EPHB2: variants seen among roughly 807,000 people sequenced by gnomAD.
EPHB2 encodes EPH receptor B2, also known as ephrin type-B receptor 2.
In EPHB2, 18 loss-of-function variants were observed where a neutral mutation model predicts 96.4. That is an observed-to-expected ratio of 0.19 (90% CI 0.13 to 0.28). EPHB2 has a LOEUF of 0.28. Among genes scored for constraint, EPHB2 ranks in the 10% least tolerant of loss-of-function variants. The probability of loss-of-function intolerance (pLI) is 1.00; values close to 1 mark genes in which losing one functional copy is unlikely to be tolerated. For synonymous variants in EPHB2, 506 were observed against 534.1 expected (o/e 0.95, Z 0.72); for missense variants, 989 against 1,355.4 (o/e 0.73, Z 4.25).
intron 1 of EPHB2, among the ~76,000 whole-genome samples, chr1:22,735,449 AAAG>A (rs917572660): frequency 1.9e-4 from 29 of 151,672 alleles, no homozygotes; most frequent in African/African-American, 7.0e-4. Flanking sequence ...AAAAAAAAAA[AAAG>A]AAGAAGAAGA....
chr1:22,843,691 C>A (rs1262741669), intron 3 of EPHB2, among the ~76,000 whole-genome samples: 1 of 152,200 alleles, frequency 6.6e-6, no homozygotes, highest in East Asian at 1.9e-4. Flanking sequence ...CAGCCACCTG[C>A]CGCTATGCCT....
At chr1:22,772,460 C>A (rs990610198) in intron 1 of EPHB2, among the ~76,000 whole-genome samples, 1 of 152,196 alleles carries the variant, frequency 6.6e-6, no homozygotes, top group Non-Finnish European at 1.5e-5. Flanking sequence ...GGTTCTCTTT[C>A]CTCGAGACTG....
chr1:22,711,432 G>A (rs1430019993), intron 1 of EPHB2, among the ~76,000 whole-genome samples: 1 of 149,234 alleles, frequency 6.7e-6, no homozygotes, highest in Non-Finnish European at 1.5e-5. Context: ...GGGGGGCGGG[G>A]GGGGCGCCGG....
At chr1:22,814,653 G>A (rs2148465813) in intron 3 of EPHB2, among the ~76,000 whole-genome samples, 1 of 152,292 alleles carries the variant, frequency 6.6e-6, no homozygotes, top group Admixed American at 6.5e-5. Flanking sequence ...AGGTCACACA[G>A]CCACAAAGCC....
chr1:22,722,898 AAGC>A lies in EPHB2; in HGVS notation c.61+11860_61+11862del, dbSNP rs947380592. Among the ~76,000 whole-genome samples the A allele has an allele frequency of 2.6e-5, 4 of 152,334 alleles. No individual in the cohort carries two copies. The East Asian group carries it at 7.7e-4, about 29-fold the overall frequency. On this transcript the variant is annotated intron_variant, in intron 1 of 15. Coordinates refer to ENST00000374630, the MANE Select transcript of EPHB2 (RefSeq NM_017449.5). ...ATTCTTAAGGAAGAGCCAGGTGAAG[AAGC>A]AGCAAGGCAGCCATTCCAGGCAACA...
chr1:22,817,941 G>A (rs532281327), intron 3 of EPHB2, among the ~76,000 whole-genome samples: 3 of 152,292 alleles, frequency 2.0e-5, no homozygotes, highest in South Asian at 2.1e-4. Flanking sequence ...AGAGGTCAGC[G>A]TATAAGCTGT....
chr1:22,882,550 C>G (rs1435336807), intron 6 of EPHB2, 67 bp downstream of exon 6: 9 of 1,604,262 alleles, frequency 5.6e-6, no homozygotes, highest in Non-Finnish European at 6.8e-6. Flanking sequence ...AGGCTGAGGC[C>G]TGGGAGTTCT....
rs368409603 is a variant in EPHB2, at chr1:22,907,920, G to A, written c.2137-33G>A. On this transcript the variant is annotated intron_variant, in intron 11 of 15. Transcript: ENST00000374630. Reference sequence around the variant, plus strand: ...GCAGAGCTCTGATGCCTGCTCTTCTGTTTACTCTGTGTTTTCCCCACTTCT... The same window carrying A: ...GCAGAGCTCTGATGCCTGCTCTTCTATTTACTCTGTGTTTTCCCCACTTCT... 2.5e-6 allele frequency: 4 copies of A among 1,611,730 alleles called. No homozygotes were observed. The African/African-American group carries it at 5.3e-5, about 21-fold the overall frequency.
chr1:22,802,663 C>T (rs1422463772), intron 3 of EPHB2, among the ~76,000 whole-genome samples: 3 of 152,122 alleles, frequency 2.0e-5, no homozygotes, highest in Non-Finnish European at 4.4e-5. Flanking sequence ...CCACCCAGCC[C>T]CACCCCCAAC....
At chr1:22,770,650 A>G (rs970740961) in intron 1 of EPHB2, among the ~76,000 whole-genome samples, 1 of 152,228 alleles carries the variant, frequency 6.6e-6, no homozygotes, top group African/African-American at 2.4e-5. Context: ...CAAAGTGATT[A>G]AAAGAGTACC....
At chr1:22,744,952 C>G (rs952531421) in intron 1 of EPHB2, among the ~76,000 whole-genome samples, 2 of 152,210 alleles carry the variant, frequency 1.3e-5, no homozygotes, top group African/African-American at 2.4e-5. Context: ...TCATCCTCCT[C>G]GTCTTCACGT....
chr1:22,916,113 C>T lies in EPHB2; in HGVS notation c.*2543C>T, dbSNP rs1400206877. 6.6e-6 allele frequency: 1 copy of T among 152,322 alleles called. No homozygotes were observed. Among genetic ancestry groups the T allele is most frequent in the Admixed American group, 6.5e-5 (1 of 15,284 alleles). 9.4% of individuals were successfully genotyped at this position (152,322 alleles called of 1,614,324 possible). A position where few individuals can be genotyped will look rare whatever the true frequency, so the allele number is the denominator to read the frequency against. On this transcript the variant is annotated 3_prime_UTR_variant, in exon 16 of 16. Transcript: ENST00000374630. The surrounding 1 kb of genome is among the most constrained non-coding windows in gnomAD (Gnocchi z 4.2). ...TGGCCGGCAGTGGCCCACTGGCCTT[C>T]ACTTTGTGCCCCAAAGGTGCCCTGC...
chr1:22,850,572 C>T (rs529488292), intron 3 of EPHB2, among the ~76,000 whole-genome samples: 1 of 152,196 alleles, frequency 6.6e-6, no homozygotes, highest in Non-Finnish European at 1.5e-5. Context: ...TCGGGCACAT[C>T]GTGATTATTG....
At position 22,858,550 on chromosome 1, in the gene EPHB2, G is replaced by C. The variant is rs57882982; in HGVS notation, c.812-4487G>C. On this transcript the variant is annotated intron_variant, in intron 3 of 15. Coordinates refer to ENST00000374630, the MANE Select transcript of EPHB2 (RefSeq NM_017449.5). The surrounding 1 kb of genome is among the most constrained non-coding windows in gnomAD (Gnocchi z 7.7). The stretch of plus-strand genomic sequence containing the variant: ...TTCCCAAGCCCACACGCCCGTCAGA[G>C]GTACAACTGCCTTCCTGTGTTTCAG... 2.0e-5 allele frequency among the ~76,000 whole-genome samples: 3 copies of C among 152,148 alleles called. No individual in the cohort carries two copies. The highest frequency in any genetic ancestry group is 4.4e-5 in the Non-Finnish European group (3 of 68,032).
chr1:22,775,112 A>G (rs1272791169), intron 1 of EPHB2: 1 of 756,716 alleles, frequency 1.3e-6, no homozygotes, highest in Non-Finnish European at 2.5e-6. Flanking sequence ...CACACACACA[A>G]GCCCTGATGA....
intron 3 of EPHB2, among the ~76,000 whole-genome samples, chr1:22,822,797 C>A (rs1450609320): frequency 6.6e-6 from 1 of 152,212 alleles, no homozygotes; most frequent in Non-Finnish European, 1.5e-5. Flanking sequence ...GGCCCAGTGC[C>A]CACAGGGGTC....
intron 3 of EPHB2, among the ~76,000 whole-genome samples, chr1:22,814,876 A>G (rs1423234353): frequency 6.6e-6 from 1 of 152,206 alleles, no homozygotes; most frequent in Non-Finnish European, 1.5e-5. Context: ...ACGCCGGCTC[A>G]TCTGGGGTAC....
intron 6 of EPHB2, among the ~76,000 whole-genome samples, chr1:22,883,792 C>T (rs1639128623): frequency 6.6e-6 from 1 of 152,168 alleles, no homozygotes; most frequent in African/African-American, 2.4e-5. Flanking sequence ...TCATCCCGTC[C>T]CCTAGGCAGT....
At position 22,792,704 on chromosome 1, in the gene EPHB2, A is replaced by G. The variant is rs1252118254; in HGVS notation, c.811+7628A>G. 3.3e-5 allele frequency among the ~76,000 whole-genome samples: 5 copies of G among 152,272 alleles called. No homozygotes were observed. The East Asian group carries it at 9.7e-4, about 29-fold the overall frequency. ...GTGATGTCTTCATTGAGGACCAGGA[A>G]GCTAACACTTGTTGAGTGTCATGTG... On this transcript the variant is annotated intron_variant, in intron 3 of 15. Coordinates refer to ENST00000374630, the MANE Select transcript of EPHB2 (RefSeq NM_017449.5).
Sources: allele counts gnomAD v4.1 joint callset (sites outside exome capture counted in the v4.1 genomes callset), GRCh38; gene constraint gnomAD v4.1.1; non-coding constraint Gnocchi (gnomAD v3.1); transcripts MANE v1.5; gene names NCBI Gene and HGNC (gene_info 2026-07-23, HGNC 2026-07-21).